CHD5: variants seen among roughly 807,000 people sequenced by gnomAD.
CHD5 encodes the protein ATP-dependent chromatin remodeler CHD5.
CHD5 carries 69 observed loss-of-function variants against 230.3 expected under a neutral mutation model. That is an observed-to-expected ratio of 0.30 (90% CI 0.25 to 0.37). The LOEUF is 0.37. Among genes scored for constraint, CHD5 ranks in the 10% least tolerant of loss-of-function variants. CHD5 has a pLI of 1.00. For synonymous variants in CHD5, 1,064 were observed against 1,065.9 expected (o/e 1.00, Z 0.03); for missense variants, 1,827 against 2,622.8 (o/e 0.70, Z 6.63).
chr1:6,128,367 G>T lies in CHD5; in HGVS notation c.3730+132C>A. Reference sequence around the variant, plus strand: ...GTGACCAGACAGAGGAAACTGCGCTGTAACAGCCCCACTCGCCGCCCACCT... The same window carrying T: ...GTGACCAGACAGAGGAAACTGCGCTTTAACAGCCCCACTCGCCGCCCACCT... On this transcript the variant is annotated intron_variant, in intron 24 of 41. Transcript: ENST00000262450. This position sits in a 1 kb window ranked among gnomAD's most constrained non-coding sequence, Gnocchi z 7.8. 1 of 1,104,538 alleles carries T rather than the reference G, an allele frequency of 9.1e-7. No individual in the cohort carries two copies. Among genetic ancestry groups the T allele is most frequent in the Non-Finnish European group, 1.3e-6 (1 of 756,724 alleles). The allele number at this position is 1,104,538 out of a possible 1,614,324, so 68.4% of individuals were successfully genotyped here. A position where few individuals can be genotyped will look rare whatever the true frequency, so the allele number is the denominator to read the frequency against.
At chr1:6,173,007 G>T (rs1667362254) in intron 1 of CHD5, among the ~76,000 whole-genome samples, 2 of 151,978 alleles carry the variant, frequency 1.3e-5, no homozygotes, top group Admixed American at 6.6e-5. Context: ...GCTGGGACGA[G>T]AACACCATCA....
rs557139496 is a variant in CHD5, at chr1:6,129,353, G to A, written c.3388-284C>T. On this transcript the variant is annotated intron_variant, in intron 22 of 41. Transcript: ENST00000262450. This position sits in a 1 kb window ranked among gnomAD's most constrained non-coding sequence, Gnocchi z 6.8. ...TGCAAGAGTGTGTGAGGGATGATAC[G>A]GCCAGTGTGCTGGGTGTAACTGAAG... Among the ~76,000 whole-genome samples the A allele has an allele frequency of 3.3e-5, 5 of 152,202 alleles. No individual in the cohort carries two copies. The highest frequency in any genetic ancestry group is 1.9e-4 in the East Asian group (1 of 5,182).
At chr1:6,174,642 A>T (rs941642769) in intron 1 of CHD5, among the ~76,000 whole-genome samples, 3 of 147,814 alleles carry the variant, frequency 2.0e-5, no homozygotes, top group Non-Finnish European at 3.0e-5. Flanking sequence ...GAATAGATGG[A>T]TGGATGATGA....
intron 1 of CHD5, among the ~76,000 whole-genome samples, chr1:6,174,995 A>C (rs999367360): frequency 4.4e-5 from 4 of 89,994 alleles, no homozygotes; most frequent in South Asian, 6.6e-4. Context: ...GGATGGATGG[A>C]TGGCAGATGG....
chr1:6,142,634 C>G lies in CHD5; in HGVS notation c.2044-29G>C, dbSNP rs1353104660. On this transcript the variant is annotated intron_variant, in intron 13 of 41. Coordinates refer to ENST00000262450, the MANE Select transcript of CHD5 (RefSeq NM_015557.3). This position sits in a 1 kb window ranked among gnomAD's most constrained non-coding sequence, Gnocchi z 5.2. Reference sequence around the variant, plus strand: ...CAGGGGAGGCAGCGGTTCAGACACGCCCCAGATCCTGGGCCACCAGAGTCC... The same window carrying G: ...CAGGGGAGGCAGCGGTTCAGACACGGCCCAGATCCTGGGCCACCAGAGTCC... 6.3e-7 allele frequency: 1 copy of G among 1,585,900 alleles called. No individual in the cohort carries two copies. The highest frequency in any genetic ancestry group is 1.1e-5 in the South Asian group (1 of 87,014).
chr1:6,124,384 TG>T, intron 30 of CHD5, 132 bp downstream of exon 30: 2 of 1,045,922 alleles, frequency 1.9e-6, no homozygotes, highest in Non-Finnish European at 2.9e-6. Flanking sequence ...TCAGTCCCTC[TG>T]GAGTGACTCG....
In CHD5 at chr1:6,146,705, C is replaced by T; in HGVS notation, c.1550G>A (p.Gly517Glu). Reference protein sequence around the residue: ...PEREFFVKWAGLSYWHCSWVK... With the variant: ...PEREFFVKWAELSYWHCSWVK... ...CCAGGAGCAATGCCAGTAGGACAGC[C>T]CTGCCCACTTGACAAAGAACTCTCT... The change falls in exon 10 of 42, where the codon GGG becomes GAG. Residue 517 changes from glycine (G) to glutamate (E), a missense_variant. Gly to Glu is a moderately conservative substitution (Grantham distance 98, BLOSUM62 -2). This residue lies in a region of CHD5 where 657 missense variants were observed against 816.4 expected (regional missense o/e 0.80). Coordinates refer to ENST00000262450, the MANE Select transcript of CHD5 (RefSeq NM_015557.3). The surrounding 1 kb of genome is among the most constrained non-coding windows in gnomAD (Gnocchi z 5.1). 6.2e-7 allele frequency: 1 copy of T among 1,613,816 alleles called. No individual in the cohort carries two copies. The highest frequency in any genetic ancestry group is 8.5e-7 in the Non-Finnish European group (1 of 1,179,944).
Position 6,159,626 on chromosome 1 carries a change from G to A in CHD5, c.208-111C>T, listed in dbSNP as rs991691563. Reference sequence around the variant, plus strand: ...TCCTGGCCCACGCTGGGGATCGACCGATCCCCATCACTCCACTCATCATCA... The same window carrying A: ...TCCTGGCCCACGCTGGGGATCGACCAATCCCCATCACTCCACTCATCATCA... On this transcript the variant is annotated intron_variant, in intron 2 of 41. Transcript: ENST00000262450. The A allele has an allele frequency of 9.0e-5, 74 of 820,788 alleles. No individual in the cohort carries two copies. The East Asian group carries it at 1.6e-3, about 18-fold the overall frequency. 50.8% of individuals were successfully genotyped at this position (820,788 alleles called of 1,614,324 possible). A position where few individuals can be genotyped will look rare whatever the true frequency, so the allele number is the denominator to read the frequency against.
At chr1:6,149,157 C>G in intron 8 of CHD5, 82 bp from the exon 9 acceptor site, 1 of 1,469,534 alleles carries the variant, frequency 6.8e-7, no homozygotes, top group Non-Finnish European at 9.0e-7. Context: ...CCTACAGCAT[C>G]TCCCCGCATT....
At position 6,124,068 on chromosome 1, in the gene CHD5, G is replaced by A. The variant is rs1338369337; in HGVS notation, c.4579C>T (p.Pro1527Ser). 1 of 1,613,050 alleles carries A rather than the reference G, an allele frequency of 6.2e-7. No homozygotes were observed. The highest frequency in any genetic ancestry group is 1.3e-5 in the African/African-American group (1 of 74,846). Reference protein sequence around the residue: ...FEHVNGKYSTPDLIPEGPEGK... With the variant: ...FEHVNGKYSTSDLIPEGPEGK... ...TCGGGCCCCTCAGGGATCAAGTCTG[G>A]GGTGCTGTACTTCCCGTTGACATGC... is the stretch of plus-strand genomic sequence containing the variant. Residue 1527 changes from proline to serine, a missense_variant, in exon 31 of 42, where the codon CCA becomes TCA. Pro to Ser is a moderately conservative substitution (Grantham distance 74). Transcript: ENST00000262450.
In CHD5 at chr1:6,156,468, G is replaced by A. The variant is rs112949731; in HGVS notation, c.388-751C>T. ...GGAGAATCACTTGAACTCGGGAGACGGAGGTTGCAGTGAGCCGAGATGGCG... is the reference window on the plus strand; with the variant it reads ...GGAGAATCACTTGAACTCGGGAGACAGAGGTTGCAGTGAGCCGAGATGGCG... On this transcript the variant is annotated intron_variant, in intron 3 of 41. Coordinates refer to ENST00000262450, the MANE Select transcript of CHD5 (RefSeq NM_015557.3). 7.9e-3 allele frequency among the ~76,000 whole-genome samples: 1,199 copies of A among 151,460 alleles called. 16 individuals carry two copies. Among genetic ancestry groups the A allele is most frequent in the African/African-American group, 0.027 (1,116 of 41,244 alleles).
chr1:6,132,274 A>G (rs1666670239), intron 20 of CHD5, among the ~76,000 whole-genome samples: 1 of 152,174 alleles, frequency 6.6e-6, no homozygotes, highest in South Asian at 2.1e-4. Flanking sequence ...GCTGGATATA[A>G]AACTATCAGC....
Position 6,130,013 on chromosome 1 carries a change from T to A in CHD5, c.3387+191A>T, listed in dbSNP as rs1666628678. 2 of 651,752 alleles carry A rather than the reference T, an allele frequency of 3.1e-6. No homozygotes were observed. Among genetic ancestry groups the A allele is most frequent in the African/African-American group, 3.6e-5 (2 of 55,410 alleles). 40.4% of individuals were successfully genotyped at this position (651,752 alleles called of 1,614,324 possible). On this transcript the variant is annotated intron_variant, in intron 22 of 41. Coordinates refer to ENST00000262450, the MANE Select transcript of CHD5 (RefSeq NM_015557.3). This position sits in a 1 kb window ranked among gnomAD's most constrained non-coding sequence, Gnocchi z 4.9. ...TTCCTCCTCTGGACAAGGACAGAGC[T>A]GGAGGGATGGGGGCCAAGCTTCCAC...
At chr1:6,177,754 G>C (rs1474902550) in intron 1 of CHD5, among the ~76,000 whole-genome samples, 2 of 152,238 alleles carry the variant, frequency 1.3e-5, no homozygotes, top group African/African-American at 4.8e-5. Flanking sequence ...GCAGAGGAAA[G>C]AGCAGGTCAG....
At chr1:6,118,615 G>GAAGTGA (rs1187548190) in intron 33 of CHD5, among the ~76,000 whole-genome samples, 1 of 152,108 alleles carries the variant, frequency 6.6e-6, no homozygotes, top group Non-Finnish European at 1.5e-5. Context: ...ATTTATTTTT[G>GAAGTGA]AAGTGATTAA....
At chr1:6,172,652 C>T (rs1197618492) in intron 1 of CHD5, among the ~76,000 whole-genome samples, 1 of 152,174 alleles carries the variant, frequency 6.6e-6, no homozygotes, top group East Asian at 1.9e-4. Context: ...CCCCCAGCAC[C>T]CTCCCACTGA....
intron 13 of CHD5, among the ~76,000 whole-genome samples, chr1:6,143,617 G>T (rs916888260): frequency 1.3e-5 from 2 of 152,214 alleles, no homozygotes; most frequent in African/African-American, 4.8e-5. Context: ...CCTCCCAGGT[G>T]AGAGTGGTGT....
chr1:6,112,916 G>A lies in CHD5; in HGVS notation c.4995C>T (p.Leu1665=), dbSNP rs199820087. 2 of 1,613,138 alleles carry A rather than the reference G, an allele frequency of 1.2e-6. No individual in the cohort carries two copies. The highest frequency in any genetic ancestry group is 2.2e-5 in the East Asian group (1 of 44,880). Reference sequence around the variant, plus strand: ...CACAGAAGAGCCCCAGACCTGGCCTGAGTTCGGAACTGTCCCCTCTGCTGT... The same window carrying A: ...CACAGAAGAGCCCCAGACCTGGCCTAAGTTCGGAACTGTCCCCTCTGCTGT... ...LIHSRGDSSE[L]RPDDTKAEEK... The change falls in exon 34 of 42, where the codon CTC becomes CTT. Residue 1665 remains leucine, a synonymous_variant. Coordinates refer to ENST00000262450, the MANE Select transcript of CHD5 (RefSeq NM_015557.3).
chr1:6,146,300 C>T lies in CHD5; in HGVS notation c.1714G>A (p.Asp572Asn). The change falls in exon 11 of 42, where the codon GAC becomes AAC. Residue 572 changes from aspartate (D) to asparagine (N), a missense_variant. Physicochemically the swap from Asp to Asn is conservative, Grantham distance 23 (BLOSUM62 1). Transcript: ENST00000262450. This position sits in a 1 kb window ranked among gnomAD's most constrained non-coding sequence, Gnocchi z 5.1. ...DGKSEKRKNK[D>N]PLYAKMEERF... is the part of the protein sequence containing the mutation. ...TCCTCCATCTTGGCATAGAGGGGGT[C>T]CTTGTTCTTCCTCTTCTCGCTCTTG... is the stretch of plus-strand genomic sequence containing the variant. 1 of 1,614,194 alleles carries T rather than the reference C, an allele frequency of 6.2e-7. No individual in the cohort carries two copies. The highest frequency in any genetic ancestry group is 8.5e-7 in the Non-Finnish European group (1 of 1,180,026).
Sources: allele counts gnomAD v4.1 joint callset (sites outside exome capture counted in the v4.1 genomes callset), GRCh38; gene constraint gnomAD v4.1.1; regional missense constraint gnomAD v4.1.1; non-coding constraint Gnocchi (gnomAD v3.1); transcripts MANE v1.5; gene names NCBI Gene and HGNC (gene_info 2026-07-23, HGNC 2026-07-21).